The following SNX29 variants were observed in gnomAD, a reference collection of about 807,000 sequenced individuals.
SNX29 encodes sorting nexin 29.
A neutral mutation model predicts 102.1 loss-of-function variants in SNX29; 78 were observed. The observed-to-expected ratio is 0.76, with a 90% CI of 0.64 to 0.92. The LOEUF is 0.92. SNX29 is among the 40% of genes least tolerant of loss of function. SNX29 has a pLI of 0.00. For missense variants in SNX29, 1,280 were observed against 1,061.7 expected, an observed-to-expected ratio of 1.21 and a Z score of -2.86; for synonymous variants, 580 against 414.5, an observed-to-expected ratio of 1.40 and a Z score of -4.85.
chr16:12,092,643 A>C (rs1490466689), intron 11 of SNX29, among the ~76,000 whole-genome samples: 5 of 152,198 alleles, frequency 3.3e-5, no homozygotes, highest in Non-Finnish European at 5.9e-5. Context: ...CAGTTTCGCA[A>C]GCTATGAAGT....
chr16:12,509,282 G>A (rs1228308498), intron 19 of SNX29, among the ~76,000 whole-genome samples: 2 of 152,192 alleles, frequency 1.3e-5, no homozygotes, highest in Admixed American at 1.3e-4. Flanking sequence ...GATCACAAGG[G>A]AAGGGCACCA....
chr16:12,284,751 G>T (rs1283868077), intron 15 of SNX29, among the ~76,000 whole-genome samples: 1 of 150,296 alleles, frequency 6.7e-6, no homozygotes, highest in Non-Finnish European at 1.5e-5. Flanking sequence ...TTGAGACAGA[G>T]TCTCATTCTG....
chr16:12,200,738 G>A (rs972924575), intron 14 of SNX29, among the ~76,000 whole-genome samples: 1 of 152,128 alleles, frequency 6.6e-6, no homozygotes, highest in Admixed American at 6.5e-5. Context: ...GTCCGCCTCG[G>A]CCTCCCAAAG....
At chr16:12,488,426 TC>T (rs532969443) in intron 19 of SNX29, among the ~76,000 whole-genome samples, 103 of 151,000 alleles carry the variant, frequency 6.8e-4, no homozygotes, top group African/African-American at 2.3e-3. Flanking sequence ...GATTGACAGT[TC>T]TTCCTTCCCG....
chr16:12,110,836 T>A (rs987254076), intron 11 of SNX29, among the ~76,000 whole-genome samples: 2 of 152,028 alleles, frequency 1.3e-5, no homozygotes, highest in Non-Finnish European at 2.9e-5. Context: ...TTAATTTTTT[T>A]TTTTTGAGAA....
intron 15 of SNX29, among the ~76,000 whole-genome samples, chr16:12,285,448 T>C (rs950403592): frequency 4.6e-5 from 7 of 152,240 alleles, no homozygotes; most frequent in Admixed American, 1.3e-4. Context: ...CCTGAATTTT[T>C]CTTGTGGGTA....
intron 1 of SNX29, among the ~76,000 whole-genome samples, chr16:11,983,992 T>C (rs2055496154): frequency 6.6e-6 from 1 of 152,150 alleles, no homozygotes; most frequent in Non-Finnish European, 1.5e-5. Context: ...GTATCTGTGG[T>C]ATTACTTTTT....
chr16:12,021,137 A>G (rs2057008002), intron 3 of SNX29, among the ~76,000 whole-genome samples: 10 of 152,216 alleles, frequency 6.6e-5, no homozygotes. Flanking sequence ...GTAACATAGT[A>G]AAAGAATTGC....
rs375035480 is a variant in SNX29, at chr16:12,129,728, G to A, written c.1565G>A (p.Arg522Gln). 3.9e-5 allele frequency: 63 copies of A among 1,609,682 alleles called. No individual in the cohort carries two copies. In the African/African-American group the frequency reaches 4.7e-4, roughly 12 times the overall value. ...AGGAAGGTGGCTGAACAGGAGGAGC[G>A]GCAGGGCATGAAGGTCCAGGCGCTG... Reference protein sequence around the residue: ...LKRKVAEQEERQGMKVQALAR... With the variant: ...LKRKVAEQEEQQGMKVQALAR... Residue 522 changes from arginine (R) to glutamine (Q), a missense_variant, in exon 13 of 21, where the codon CGG (arginine) becomes CAG (glutamine). Arg to Gln is a conservative substitution (Grantham distance 43, BLOSUM62 1). Transcript: ENST00000566228.
chr16:12,398,554 G>T, intron 17 of SNX29, 53 bp downstream of exon 17: 1 of 1,597,970 alleles, frequency 6.3e-7, no homozygotes, highest in Non-Finnish European at 8.6e-7. Context: ...GGACTCTGTT[G>T]TTGGCTTCTG....
chr16:12,181,935 G>A (rs1283777956), intron 13 of SNX29, among the ~76,000 whole-genome samples: 1 of 151,394 alleles, frequency 6.6e-6, no homozygotes, highest in African/African-American at 2.4e-5. Context: ...GCAGGCTGAA[G>A]TGCAGTGGCA....
Position 12,572,896 on chromosome 16 carries a change from G to A in SNX29, c.*4267G>A, listed in dbSNP as rs141498213. The A allele has an allele frequency of 1.4e-4, 144 of 1,040,018 alleles. No individual in the cohort carries two copies. The highest frequency in any genetic ancestry group is 1.0e-3 in the African/African-American group (61 of 60,570). The allele number at this position is 1,040,018 out of a possible 1,614,324, so 64.4% of individuals were successfully genotyped here. A position where few individuals can be genotyped will look rare whatever the true frequency, so the allele number is the denominator to read the frequency against. On this transcript the variant is annotated 3_prime_UTR_variant, in exon 21 of 21. Coordinates refer to ENST00000566228, the MANE Select transcript of SNX29 (RefSeq NM_032167.5). ...TGTCTTGACTCTGCCTTGGCATTTC[G>A]CTCGGAATCACGGCAGACTTGGAGT...
intron 18 of SNX29, among the ~76,000 whole-genome samples, chr16:12,455,287 T>G (rs1318864683): frequency 6.6e-6 from 1 of 152,136 alleles, no homozygotes; most frequent in Non-Finnish European, 1.5e-5. Flanking sequence ...CCCCCACACC[T>G]CGTGGCCCTT....
At chr16:12,149,814 C>T (rs1349393538) in intron 13 of SNX29, among the ~76,000 whole-genome samples, 1 of 152,158 alleles carries the variant, frequency 6.6e-6, no homozygotes, top group Non-Finnish European at 1.5e-5. Context: ...ATGATCTTTA[C>T]CAGCCTCAGT....
chr16:12,206,492 G>A (rs2077047444), intron 14 of SNX29, among the ~76,000 whole-genome samples: 1 of 151,640 alleles, frequency 6.6e-6, no homozygotes, highest in East Asian at 1.9e-4. Context: ...CGATGTCACT[G>A]TTTGCAGAGT....
intron 14 of SNX29, among the ~76,000 whole-genome samples, chr16:12,217,200 T>C (rs1382170116): frequency 6.6e-6 from 1 of 152,180 alleles, no homozygotes; most frequent in Non-Finnish European, 1.5e-5. Context: ...TTGTATTTTT[T>C]GTAGAGACAG....
rs181790056 is a variant in SNX29, at chr16:12,190,996, A to G, written c.1596-8605A>G. On this transcript the variant is annotated intron_variant, in intron 13 of 20. Transcript: ENST00000566228. Reference sequence around the variant, plus strand: ...TTGTTTCACAAAGATGGTGTAGAGCAGCGGTCCCCAACTTTTTTGGCACCA... The same window carrying G: ...TTGTTTCACAAAGATGGTGTAGAGCGGCGGTCCCCAACTTTTTTGGCACCA... 2.4e-3 allele frequency among the ~76,000 whole-genome samples: 353 copies of G among 150,016 alleles called. 1 individual carries two copies. Among genetic ancestry groups the G allele is most frequent in the African/African-American group, 7.9e-3 (321 of 40,744 alleles).
intron 11 of SNX29, 39 bp downstream of exon 11, chr16:12,078,954 G>C: frequency 6.5e-7 from 1 of 1,540,038 alleles, no homozygotes; most frequent in South Asian, 1.2e-5. Context: ...GCTCTGGGAT[G>C]ACTTCTGGCC....
chr16:12,116,083 T>C (rs1261979275), intron 11 of SNX29, among the ~76,000 whole-genome samples: 1 of 152,200 alleles, frequency 6.6e-6, no homozygotes, highest in Non-Finnish European at 1.5e-5. Context: ...TTCCAAACTC[T>C]CCTGTAAGTG....
Sources: gnomAD v4.1 joint callset for allele counts (sites outside exome capture counted in the v4.1 genomes callset) on GRCh38, gnomAD v4.1.1 for gene constraint, MANE v1.5 for transcripts, NCBI Gene and HGNC (gene_info 2026-07-23, HGNC 2026-07-21) for gene names.